The following ETV6 variants were observed in gnomAD, a reference collection of about 807,000 sequenced individuals.
ETV6 encodes the protein ETS variant transcription factor 6.
ETV6 carries 16 observed loss-of-function variants against 51.1 expected under a neutral mutation model. The observed-to-expected ratio is 0.31, with a 90% confidence interval of 0.21 to 0.48. The LOEUF (loss-of-function observed/expected upper bound fraction) is 0.48. Ranked by LOEUF, ETV6 falls within the 20% of genes least tolerant of loss-of-function variation. The pLI is 0.99. For synonymous variants in ETV6, 240 were observed against 224.1 expected (o/e 1.07, Z -0.64); for missense variants, 458 against 594.8 (o/e 0.77, Z 2.39).
At chr12:11,835,736 G>A (rs1946306857) in intron 2 of ETV6, among the ~76,000 whole-genome samples, 1 of 152,226 alleles carries the variant, frequency 6.6e-6, no homozygotes, top group Non-Finnish European at 1.5e-5. Context: ...GGATGGGTAG[G>A]AGTCAATTCA....
intron 2 of ETV6, among the ~76,000 whole-genome samples, chr12:11,779,632 T>C (rs752552271): frequency 1.3e-5 from 2 of 152,226 alleles, no homozygotes; most frequent in Non-Finnish European, 2.9e-5. Flanking sequence ...AAGGAAAATA[T>C]ATAATGTAGA....
intron 4 of ETV6, among the ~76,000 whole-genome samples, chr12:11,857,985 T>C (rs571709720): frequency 6.6e-6 from 1 of 152,344 alleles, no homozygotes; most frequent in African/African-American, 2.4e-5. Context: ...ATCATAGCAG[T>C]GTCCTGCCTG....
chr12:11,859,118 G>GCCTTTT lies in ETV6; in HGVS notation c.463+5557_463+5558insCCTTTT, dbSNP rs1565555150. On this transcript the variant is annotated intron_variant, in intron 4 of 7. Transcript: ENST00000396373. ...TAAAGAAGATGAGGTATATGAATCT[G>GCCTTTT]GTTTTTTTTTTTTTTTTTTTTTTTT... Among the ~76,000 whole-genome samples, 8 of 41,794 alleles carry GCCTTTT rather than the reference G, an allele frequency of 1.9e-4. 2 individuals are homozygous for GCCTTTT. Among genetic ancestry groups the GCCTTTT allele is most frequent in the Admixed American group, 6.2e-4 (2 of 3,220 alleles). The allele number at this position is 41,794 out of a possible 152,430, so 27.4% of individuals were successfully genotyped here.
chr12:11,841,966 C>T (rs1024555298), intron 3 of ETV6, among the ~76,000 whole-genome samples: 11 of 150,952 alleles, frequency 7.3e-5, no homozygotes, highest in Non-Finnish European at 1.6e-4. Context: ...CCTGTAGTCC[C>T]AGCTACTTGG....
At position 11,836,939 on chromosome 12, in the gene ETV6, C is replaced by T. The variant is rs920092636; in HGVS notation, c.164-2201C>T. On this transcript the variant is annotated intron_variant, in intron 2 of 7. Transcript: ENST00000396373. Reference sequence around the variant, plus strand: ...ACATGTGTCCCCTAATGGGAACTCCCTGTGTGAAGGAGAGGAAGGTCCATA... The same window carrying T: ...ACATGTGTCCCCTAATGGGAACTCCTTGTGTGAAGGAGAGGAAGGTCCATA... 3.9e-5 allele frequency among the ~76,000 whole-genome samples: 6 copies of T among 152,216 alleles called. No individual in the cohort carries two copies. In the East Asian group the frequency reaches 9.6e-4, roughly 24 times the overall value.
intron 1 of ETV6, among the ~76,000 whole-genome samples, chr12:11,656,870 A>C (rs1864008996): frequency 1.3e-5 from 2 of 151,874 alleles, no homozygotes; most frequent in Admixed American, 1.3e-4. Context: ...CCATAAACAC[A>C]AATTTTTGTT....
chr12:11,788,957 G>C (rs1945533341), intron 2 of ETV6, among the ~76,000 whole-genome samples: 1 of 151,818 alleles, frequency 6.6e-6, no homozygotes, highest in African/African-American at 2.4e-5. Context: ...CTCTTTTATG[G>C]TTCTTCTTTT....
intron 1 of ETV6, among the ~76,000 whole-genome samples, chr12:11,651,004 A>G (rs1027075476): frequency 7.9e-5 from 12 of 152,172 alleles, no homozygotes; most frequent in African/African-American, 2.7e-4. Context: ...GCATGTCTAT[A>G]TATCTGTAAA....
At chr12:11,749,664 A>G (rs993488779) in intron 1 of ETV6, among the ~76,000 whole-genome samples, 2 of 152,206 alleles carry the variant, frequency 1.3e-5, no homozygotes, top group Admixed American at 1.3e-4. Context: ...GAGCACTGTG[A>G]GAGTCAACCT....
chr12:11,781,513 T>C (rs547157017), intron 2 of ETV6, among the ~76,000 whole-genome samples: 55 of 152,354 alleles, frequency 3.6e-4, no homozygotes, highest in African/African-American at 1.3e-3. Context: ...AGCTTTGCCA[T>C]TTACCCAAAA....
chr12:11,836,522 A>G (rs1276120774), intron 2 of ETV6, among the ~76,000 whole-genome samples: 1 of 152,102 alleles, frequency 6.6e-6, no homozygotes, highest in Non-Finnish European at 1.5e-5. Flanking sequence ...TGGTTGCTTC[A>G]GGGGCTGGGC....
chr12:11,667,789 G>A (rs1046603287), intron 1 of ETV6, among the ~76,000 whole-genome samples: 3 of 136,114 alleles, frequency 2.2e-5, no homozygotes, highest in South Asian at 2.5e-4. Context: ...TGCAGCCTCC[G>A]CCTCCCAGGC....
In ETV6 at chr12:11,750,637, A is replaced by C. The variant is rs75043582; in HGVS notation, c.34-1813A>C. 9.0e-3 allele frequency among the ~76,000 whole-genome samples: 1,365 copies of C among 152,308 alleles called. 21 individuals carry two copies. The highest frequency in any genetic ancestry group is 0.031 in the African/African-American group (1,269 of 41,548). On this transcript the variant is annotated intron_variant, in intron 1 of 7. Coordinates refer to ENST00000396373, the MANE Select transcript of ETV6 (RefSeq NM_001987.5). ...TCCGAGAATAAAGTTAACGGTAGATATCTAGACATATAGTGGGATTTGGGG... is the reference window on the plus strand; with the variant it reads ...TCCGAGAATAAAGTTAACGGTAGATCTCTAGACATATAGTGGGATTTGGGG...
chr12:11,749,255 A>G (rs1336432157), intron 1 of ETV6, among the ~76,000 whole-genome samples: 3 of 149,406 alleles, frequency 2.0e-5, no homozygotes, highest in Non-Finnish European at 4.4e-5. Context: ...AGCAGCGGTT[A>G]TAATCCTCTT....
chr12:11,826,490 A>G (rs750008710), intron 2 of ETV6: 2 of 152,332 alleles, frequency 1.3e-5, no homozygotes, highest in Non-Finnish European at 2.9e-5. Context: ...TGTCACTCCT[A>G]CCATCCTGCC....
At chr12:11,664,291 A>G (rs963841062) in intron 1 of ETV6, among the ~76,000 whole-genome samples, 2 of 152,182 alleles carry the variant, frequency 1.3e-5, no homozygotes, top group African/African-American at 4.8e-5. Context: ...TGACTGGATC[A>G]GTTTGCTAGC....
intron 1 of ETV6, among the ~76,000 whole-genome samples, chr12:11,700,210 G>A (rs780295166): frequency 4.7e-4 from 72 of 152,158 alleles, no homozygotes; most frequent in Admixed American, 1.5e-3. Flanking sequence ...GACCCCTCAC[G>A]CAGGAAAAAT....
chr12:11,816,467 C>G (rs192223885), intron 2 of ETV6, among the ~76,000 whole-genome samples: 1 of 152,086 alleles, frequency 6.6e-6, no homozygotes, highest in Non-Finnish European at 1.5e-5. Context: ...AGGATGGTCT[C>G]GATCTCCTGA....
chr12:11,662,295 G>A (rs1864114728), intron 1 of ETV6, among the ~76,000 whole-genome samples: 1 of 152,192 alleles, frequency 6.6e-6, no homozygotes, highest in Non-Finnish European at 1.5e-5. Context: ...AGAAAGGTAG[G>A]TGAGCCAGCA....
Sources: allele counts gnomAD v4.1 joint callset (sites outside exome capture counted in the v4.1 genomes callset), GRCh38; gene constraint gnomAD v4.1.1; transcripts MANE v1.5; gene names NCBI Gene and HGNC (gene_info 2026-07-23, HGNC 2026-07-21).